The following LIPG variants were observed in gnomAD, a reference collection of about 807,000 sequenced individuals.
LIPG encodes the protein lipase G, endothelial type, also known as endothelial lipase.
In LIPG, 34 loss-of-function variants were observed where a neutral mutation model predicts 51.8. The observed-to-expected ratio is 0.66, with a 90% confidence interval of 0.50 to 0.87. The LOEUF (loss-of-function observed/expected upper bound fraction) is 0.87, where lower values mean the gene tolerates loss of function less well. LIPG is among the 40% of genes least tolerant of loss of function. The pLI, the probability that LIPG is intolerant of heterozygous loss-of-function variation, is 0.00. For missense variants in LIPG, 580 were observed against 652.7 expected (o/e 0.89, Z 1.21); for synonymous variants, 246 against 246.1 (o/e 1.00, Z 0.00).
At chr18:49,562,896 C>T (rs1183927582) in intron 1 of LIPG, among the ~76,000 whole-genome samples, 1 of 152,164 alleles carries the variant, frequency 6.6e-6, no homozygotes, top group African/African-American at 2.4e-5. Flanking sequence ...TCTGGTGGGT[C>T]GCTTGTGCTT....
chr18:49,588,362 A>G (rs1028620144), intron 9 of LIPG, among the ~76,000 whole-genome samples: 2 of 149,952 alleles, frequency 1.3e-5, no homozygotes, highest in African/African-American at 4.9e-5. Flanking sequence ...GGCTTACTAC[A>G]ACCTCCGCCT....
intron 5 of LIPG, among the ~76,000 whole-genome samples, chr18:49,577,890 A>C (rs1235342255): frequency 2.2e-5 from 2 of 92,276 alleles, no homozygotes; most frequent in African/African-American, 1.0e-4. Context: ...GGCCGGGCTG[A>C]GGGGCTCCTC....
intron 7 of LIPG, among the ~76,000 whole-genome samples, chr18:49,583,313 C>T (rs917288493): frequency 6.6e-6 from 1 of 151,986 alleles, no homozygotes; most frequent in Admixed American, 6.6e-5. Flanking sequence ...GGAGGGGGTG[C>T]CCAGGAATCG....
chr18:49,582,553 G>A, intron 7 of LIPG, 71 bp downstream of exon 7: 2 of 1,599,204 alleles, frequency 1.3e-6, no homozygotes, highest in East Asian at 4.5e-5. Context: ...AGAGCACAAG[G>A]GAGCGTGTGA....
rs191801935 is a variant in LIPG, at chr18:49,585,012, A to G, written c.1376+1238A>G. Among the ~76,000 whole-genome samples the G allele has an allele frequency of 3.3e-4, 51 of 152,330 alleles. No individual in the cohort carries two copies. The East Asian group carries it at 4.0e-3, about 12-fold the overall frequency. On this transcript the variant is annotated intron_variant, in intron 8 of 9. Transcript: ENST00000261292. The stretch of plus-strand genomic sequence containing the variant: ...CAAACCAAATATAACTAATATTTCA[A>G]TGTTAACAAATGTTAGTGTGTTTCC...
Position 49,591,227 on chromosome 18 carries a change from C to T in LIPG, c.*705C>T, listed in dbSNP as rs1010739078. The T allele has an allele frequency of 6.4e-6, 1 of 155,888 alleles. No homozygotes were observed. The highest frequency in any genetic ancestry group is 2.4e-5 in the African/African-American group (1 of 41,428). 9.7% of individuals were successfully genotyped at this position (155,888 alleles called of 1,614,324 possible). ...TTGGAACCCAGTGGAGTTGGGATTT[C>T]TAGACCCTCTTTCTGTTTGGATGGT... On this transcript the variant is annotated 3_prime_UTR_variant, in exon 10 of 10. Coordinates refer to ENST00000261292, the MANE Select transcript of LIPG (RefSeq NM_006033.4).
In LIPG at chr18:49,570,613, G is replaced by A. The variant is rs191263125; in HGVS notation, c.571+1065G>A. Among the ~76,000 whole-genome samples, 172 of 152,206 alleles carry A rather than the reference G, an allele frequency of 1.1e-3. 2 individuals are homozygous for A. In the East Asian group the frequency reaches 0.026, roughly 23 times the overall value. On this transcript the variant is annotated intron_variant, in intron 4 of 9. Transcript: ENST00000261292. ...TGGGAGGCCGAGGTGGGTGGATCAC[G>A]AGGTCAGGAGTTCAAGACCAGCCTG...
rs1191341402 is a variant in LIPG, at chr18:49,591,020, A to C, written c.*498A>C. 3.2e-5 allele frequency: 8 copies of C among 248,410 alleles called. No homozygotes were observed. The highest frequency in any genetic ancestry group is 5.6e-5 in the Non-Finnish European group (7 of 125,130). 15.4% of individuals were successfully genotyped at this position (248,410 alleles called of 1,614,324 possible). ...TCGGGCCCTAGCTGTTGGGGTTCTC[A>C]TGGGTTGCACTGACCATACTGCTTA... On this transcript the variant is annotated 3_prime_UTR_variant, in exon 10 of 10. Transcript: ENST00000261292.
In LIPG at chr18:49,569,539, C is replaced by T. The variant is rs777046276; in HGVS notation, c.562C>T (p.Arg188Ter). The T allele has an allele frequency of 1.2e-5, 20 of 1,613,222 alleles. No individual in the cohort carries two copies. The highest frequency in any genetic ancestry group is 3.3e-5 in the Admixed American group (2 of 59,960). Reference sequence around the variant, plus strand: ...CAACTTCGTGAAAGGAACGGTGGGCCGAATCACAGGTGAGCTCCACTTCCA... The same window carrying T: ...CAACTTCGTGAAAGGAACGGTGGGCTGAATCACAGGTGAGCTCCACTTCCA... ...AGNFVKGTVG[R>*]ITGLDPAGPM... The change falls in exon 4 of 10, where the codon CGA becomes TGA. Residue 188 changes from arginine to a stop codon, truncating the protein, a stop_gained. Coordinates refer to ENST00000261292, the MANE Select transcript of LIPG (RefSeq NM_006033.4). LOFTEE classifies it high-confidence loss of function.
At position 49,586,831 on chromosome 18, in the gene LIPG, A is replaced by G; in HGVS notation, c.1462A>G (p.Arg488Gly). 1 of 1,614,044 alleles carries G rather than the reference A, an allele frequency of 6.2e-7. No individual in the cohort carries two copies. The highest frequency in any genetic ancestry group is 8.5e-7 in the Non-Finnish European group (1 of 1,179,904). Residue 488 changes from arginine (R) to glycine (G), a missense_variant, in exon 9 of 10, where the codon AGG (arginine) becomes GGG (glycine). Physicochemically the swap from Arg to Gly is moderately radical, Grantham distance 125 (BLOSUM62 -2). Coordinates refer to ENST00000261292, the MANE Select transcript of LIPG (RefSeq NM_006033.4). ...GTTTCGCAAGTGTCGGGATGGCTGGAGGATGAAAAACGAAACCAGGTAACC... is the reference window on the plus strand; with the variant it reads ...GTTTCGCAAGTGTCGGGATGGCTGGGGGATGAAAAACGAAACCAGGTAACC... ...LWFRKCRDGWRMKNETSPTVE... is the reference protein window; with the variant it reads ...LWFRKCRDGWGMKNETSPTVE...
intron 4 of LIPG, among the ~76,000 whole-genome samples, chr18:49,571,178 G>C (rs2148849247): frequency 6.6e-6 from 1 of 152,308 alleles, no homozygotes; most frequent in East Asian, 1.9e-4. Flanking sequence ...GTGCAAAGCA[G>C]TTTGACTGGA....
At chr18:49,569,198 C>T (rs1004725634) in intron 3 of LIPG, among the ~76,000 whole-genome samples, 2 of 151,860 alleles carry the variant, frequency 1.3e-5, no homozygotes, top group African/African-American at 4.8e-5. Flanking sequence ...CCAGTCATAC[C>T]CTCCACCCTG....
chr18:49,588,039 C>T (rs545814681), intron 9 of LIPG, among the ~76,000 whole-genome samples: 1 of 152,300 alleles, frequency 6.6e-6, no homozygotes, highest in South Asian at 2.1e-4. Context: ...ATCCGCCTGC[C>T]TTGGCCTCCC....
In LIPG at chr18:49,583,749, G is replaced by T; in HGVS notation, c.1351G>T (p.Val451Leu). ...GRELNIRRIR[V>L]KSGETQRKLT... ...GGAGCTGAATATCAGGCGCATCCGGGTGAAGTCTGGGGAAACCCAGCGGAA... is the reference window on the plus strand; with the variant it reads ...GGAGCTGAATATCAGGCGCATCCGGTTGAAGTCTGGGGAAACCCAGCGGAA... The change falls in exon 8 of 10, where the codon GTG (valine) becomes TTG (leucine). Residue 451 changes from valine to leucine, a missense_variant. Transcript: ENST00000261292. 1.9e-6 allele frequency: 3 copies of T among 1,613,340 alleles called. No individual in the cohort carries two copies. Among genetic ancestry groups the T allele is most frequent in the Non-Finnish European group, 2.5e-6 (3 of 1,179,872 alleles).
chr18:49,590,315 A>G, intron 9 of LIPG, 186 bp from the exon 10 acceptor site: 1 of 694,482 alleles, frequency 1.4e-6, no homozygotes, highest in Non-Finnish European at 2.6e-6. Flanking sequence ...ATGGCTTGTC[A>G]GGTTAGGGAG....
intron 4 of LIPG, among the ~76,000 whole-genome samples, chr18:49,572,230 G>C (rs563846603): frequency 3.5e-4 from 53 of 152,328 alleles, no homozygotes; most frequent in African/African-American, 1.2e-3. Flanking sequence ...TGAAGCAGGA[G>C]AATCTCTTGA....
At chr18:49,584,144 T>C (rs2084857999) in intron 8 of LIPG, among the ~76,000 whole-genome samples, 1 of 152,168 alleles carries the variant, frequency 6.6e-6, no homozygotes, top group Non-Finnish European at 1.5e-5. Context: ...CAAAAGGCTT[T>C]GCTTGCTTCT....
At chr18:49,561,924 C>T (rs1012613496), upstream of LIPG, 11 of 1,334,624 alleles carry the variant, frequency 8.2e-6, no homozygotes, top group South Asian at 2.5e-5. Context: ...AAACTTTCTC[C>T]AGTCTCGGTT....
intron 3 of LIPG, 111 bp from the exon 4 acceptor site, chr18:49,569,326 C>T: frequency 1.1e-6 from 1 of 887,388 alleles, no homozygotes; most frequent in South Asian, 1.4e-5. Flanking sequence ...GTCTCTGTGC[C>T]CACGGCCCCT....
Sources: allele counts gnomAD v4.1 joint callset (sites outside exome capture counted in the v4.1 genomes callset), GRCh38; gene constraint gnomAD v4.1.1; transcripts MANE v1.5; gene names NCBI Gene and HGNC (gene_info 2026-07-23, HGNC 2026-07-21).